WAC: variants seen among roughly 807,000 people sequenced by gnomAD.
The protein encoded by WAC is WW domain-containing adapter protein with coiled-coil.
In WAC, 11 loss-of-function variants were observed where a neutral mutation model predicts 79.6. The ratio of observed to expected loss-of-function variants is 0.14; its 90% CI spans 0.09 to 0.23. The LOEUF (loss-of-function observed/expected upper bound fraction) is 0.23, where lower values mean the gene tolerates loss of function less well. Among genes scored for constraint, WAC ranks in the 10% least tolerant of loss-of-function variants. The probability of loss-of-function intolerance (pLI) is 1.00; values close to 1 mark genes in which losing one functional copy is unlikely to be tolerated. For synonymous variants in WAC, 304 were observed against 276.9 expected (o/e 1.10, Z -0.97); for missense variants, 728 against 773.5 (o/e 0.94, Z 0.70).
At chr10:28,599,286 T>G (rs1413297910) in intron 7 of WAC, among the ~76,000 whole-genome samples, 1 of 152,240 alleles carries the variant, frequency 6.6e-6, no homozygotes, top group Non-Finnish European at 1.5e-5. Flanking sequence ...GCACTGATAG[T>G]ATAGCTGAGC....
intron 3 of WAC, among the ~76,000 whole-genome samples, chr10:28,539,553 C>T (rs11007142): frequency 0.028 from 3,456 of 124,708 alleles, 144 homozygotes; most frequent in African/African-American, 0.097. Flanking sequence ...AAGGTACAAT[C>T]GTTAGGGTTT....
At position 28,598,137 on chromosome 10, in the gene WAC, A is replaced by G. The variant is rs190856193; in HGVS notation, c.919+2096A>G. ...ATCCGCTTAACAGTGGCATCATTAT[A>G]CCATTTAAATTGAATTGTGTCGGCT... On this transcript the variant is annotated intron_variant, in intron 7 of 13. Transcript: ENST00000354911. 2.0e-5 allele frequency among the ~76,000 whole-genome samples: 3 copies of G among 152,286 alleles called. No homozygotes were observed. In the East Asian group the frequency reaches 5.8e-4, roughly 29 times the overall value.
chr10:28,612,863 A>G (rs757092655), intron 10 of WAC, among the ~76,000 whole-genome samples: 9 of 152,188 alleles, frequency 5.9e-5, no homozygotes, highest in Non-Finnish European at 1.2e-4. Context: ...TTGGCAAAAG[A>G]GATGTTATTT....
chr10:28,551,161 A>C (rs1837646736), intron 3 of WAC, among the ~76,000 whole-genome samples: 1 of 152,188 alleles, frequency 6.6e-6, no homozygotes, highest in Non-Finnish European at 1.5e-5. Flanking sequence ...CTGTATCTGA[A>C]TATTCAGTAA....
chr10:28,591,523 C>G (rs1840081867), intron 6 of WAC: 2 of 152,178 alleles, frequency 1.3e-5, no homozygotes, highest in Admixed American at 1.3e-4. Flanking sequence ...AAATTTGAAG[C>G]TTTATTAAAG....
intron 7 of WAC, among the ~76,000 whole-genome samples, chr10:28,607,497 A>G (rs1397358899): frequency 6.6e-6 from 1 of 152,206 alleles, no homozygotes; most frequent in Non-Finnish European, 1.5e-5. Flanking sequence ...CGTATTTTAT[A>G]CATCCTTTAT....
intron 3 of WAC, among the ~76,000 whole-genome samples, chr10:28,568,443 C>T (rs941402918): frequency 6.6e-6 from 1 of 152,068 alleles, no homozygotes; most frequent in Non-Finnish European, 1.5e-5. Flanking sequence ...TGCAGTGGCA[C>T]GGTCTTGGCT....
At chr10:28,543,704 G>A (rs1283118147) in intron 3 of WAC, among the ~76,000 whole-genome samples, 1 of 152,176 alleles carries the variant, frequency 6.6e-6, no homozygotes, top group African/African-American at 2.4e-5. Flanking sequence ...AATTTTGTTA[G>A]TACACGCTCA....
Position 28,596,058 on chromosome 10 carries a change from A to G in WAC, c.919+17A>G, listed in dbSNP as rs781464023. The stretch of plus-strand genomic sequence containing the variant: ...AAAGAAAAGGTATGCCATTATTACT[A>G]GATGCTGCACGTTGAACTATAGTTT... On this transcript the variant is annotated intron_variant, in intron 7 of 13. Transcript: ENST00000354911. 3.7e-6 allele frequency: 6 copies of G among 1,609,320 alleles called. No individual in the cohort carries two copies. The highest frequency in any genetic ancestry group is 5.1e-6 in the Non-Finnish European group (6 of 1,177,288).
chr10:28,545,155 C>T (rs1837285580), intron 3 of WAC, among the ~76,000 whole-genome samples: 1 of 152,024 alleles, frequency 6.6e-6, no homozygotes, highest in Non-Finnish European at 1.5e-5. Context: ...TGACTCCCTC[C>T]CCATTACCCA....
intron 3 of WAC, among the ~76,000 whole-genome samples, chr10:28,559,049 C>T (rs1431242676): frequency 2.0e-5 from 3 of 151,704 alleles, no homozygotes; most frequent in East Asian, 1.9e-4. Flanking sequence ...TAACGTAGTA[C>T]GTAAATATAT....
At chr10:28,605,623 A>G (rs1840902716) in intron 7 of WAC, among the ~76,000 whole-genome samples, 1 of 152,048 alleles carries the variant, frequency 6.6e-6, no homozygotes, top group Admixed American at 6.6e-5. Context: ...GAAATTAAGG[A>G]TGTTTTTGTT....
At chr10:28,609,657 TG>T (rs1841130150) in intron 8 of WAC, among the ~76,000 whole-genome samples, 1 of 152,074 alleles carries the variant, frequency 6.6e-6, no homozygotes, top group African/African-American at 2.4e-5. Context: ...CTGAGGCTGG[TG>T]GGCCACTTAA....
At chr10:28,566,880 T>G (rs1838647075) in intron 3 of WAC, among the ~76,000 whole-genome samples, 2 of 152,092 alleles carry the variant, frequency 1.3e-5, no homozygotes, top group African/African-American at 4.8e-5. Flanking sequence ...TGAGTCCTTT[T>G]CAATCTGCAG....
At position 28,619,747 on chromosome 10, in the gene WAC, A is replaced by G; in HGVS notation, c.*141A>G. On this transcript the variant is annotated 3_prime_UTR_variant, in exon 14 of 14. Transcript: ENST00000354911. The stretch of plus-strand genomic sequence containing the variant: ...ATGACAAGGGGACGGGGTCTGTGAG[A>G]GTCAATTCAGGGGAAAGATACAAGA... 1 of 580,128 alleles carries G rather than the reference A, an allele frequency of 1.7e-6. No individual in the cohort carries two copies. The highest frequency in any genetic ancestry group is 2.9e-6 in the Non-Finnish European group (1 of 341,992). 35.9% of individuals were successfully genotyped at this position (580,128 alleles called of 1,614,324 possible). A position where few individuals can be genotyped will look rare whatever the true frequency, so the allele number is the denominator to read the frequency against.
At chr10:28,557,305 GATA>G (rs1337109978) in intron 3 of WAC, among the ~76,000 whole-genome samples, 1 of 152,080 alleles carries the variant, frequency 6.6e-6, no homozygotes, top group Non-Finnish European at 1.5e-5. Flanking sequence ...GAAGCAATGT[GATA>G]ATATTATAAA....
intron 3 of WAC, among the ~76,000 whole-genome samples, chr10:28,539,591 C>CA (rs1564371413): frequency 2.5e-4 from 38 of 149,792 alleles, no homozygotes; most frequent in African/African-American, 8.1e-4. Context: ...TTTCTGGAGA[C>CA]AGAGTTGCCC....
At chr10:28,608,162 C>T (rs914696422) in intron 7 of WAC, 24 bp from the exon 8 acceptor site, 1 of 1,610,944 alleles carries the variant, frequency 6.2e-7, no homozygotes. Flanking sequence ...GGTAATTTTT[C>T]AGGCTGATTA....
intron 3 of WAC, among the ~76,000 whole-genome samples, chr10:28,573,223 C>T (rs332141): frequency 0.19 from 28,389 of 151,754 alleles, 3,120 homozygotes; most frequent in Non-Finnish European, 0.25. Context: ...TTTTAAAAAT[C>T]GAGATGAAAT....
Sources: allele counts gnomAD v4.1 joint callset (sites outside exome capture counted in the v4.1 genomes callset), GRCh38; gene constraint gnomAD v4.1.1; transcripts MANE v1.5; gene names NCBI Gene and HGNC (gene_info 2026-07-23, HGNC 2026-07-21).